The following FGF13 variants were observed in gnomAD, a reference collection of about 807,000 sequenced individuals.
The protein encoded by FGF13 is fibroblast growth factor homologous factor 2.
Under a neutral mutation model 19.5 loss-of-function variants are expected in FGF13, and 2 were observed. The observed-to-expected ratio is 0.10, with a 90% confidence interval of 0.04 to 0.32. The LOEUF (loss-of-function observed/expected upper bound fraction) is 0.32, where lower values mean the gene tolerates loss of function less well. Ranked by LOEUF, FGF13 falls within the 10% of genes least tolerant of loss-of-function variation. The pLI, the probability that FGF13 is intolerant of heterozygous loss-of-function variation, is 1.00. For missense variants in FGF13, 113 were observed against 192.7 expected (o/e 0.59, Z 2.45); for synonymous variants, 72 against 76.9 (o/e 0.94, Z 0.33).
chrX:138,944,940 G>C (rs993321788), intron 1 of FGF13, among the ~76,000 whole-genome samples: 4 of 110,506 alleles, frequency 3.6e-5, no homozygotes, highest in South Asian at 4.0e-4. Context: ...TATGTATTGA[G>C]TGTCCACTAT....
intron 1 of FGF13, among the ~76,000 whole-genome samples, chrX:139,093,737 C>A (rs765055577): frequency 2.7e-5 from 3 of 111,893 alleles, no homozygotes; most frequent in African/African-American, 9.7e-5. Flanking sequence ...TTGGGTAGCA[C>A]TCAGGACGCT....
At chrX:139,151,958 A>T (rs1327058660) in intron 1 of FGF13, among the ~76,000 whole-genome samples, 1 of 111,861 alleles carries the variant, frequency 8.9e-6, no homozygotes, top group Non-Finnish European at 1.9e-5. Flanking sequence ...TCATGGTATT[A>T]AAATGTCCTA....
At chrX:138,809,039 C>T (rs956550043) in intron 3 of FGF13, among the ~76,000 whole-genome samples, 1 of 111,888 alleles carries the variant, frequency 8.9e-6, no homozygotes, top group African/African-American at 3.3e-5. Context: ...GGTACCATTC[C>T]TTCTGACACT....
At chrX:139,004,552 C>T (rs954604175) in intron 1 of FGF13, among the ~76,000 whole-genome samples, 1 of 112,661 alleles carries the variant, frequency 8.9e-6, no homozygotes, top group Non-Finnish European at 1.9e-5. Context: ...CGAGAGCAAG[C>T]GAGGGCTCTG....
chrX:138,766,954 C>G (rs748707138), intron 3 of FGF13, among the ~76,000 whole-genome samples: 2 of 111,996 alleles, frequency 1.8e-5, no homozygotes, highest in African/African-American at 6.5e-5. Context: ...CTTTGTCAAC[C>G]TTGTCAACGA....
At chrX:139,151,545 G>A (rs765844154) in intron 1 of FGF13, among the ~76,000 whole-genome samples, 11 of 112,034 alleles carry the variant, frequency 9.8e-5, no homozygotes, top group African/African-American at 3.2e-4. Flanking sequence ...ATATCAAGCA[G>A]TAGTTAAATG....
chrX:138,973,835 G>A (rs1286247567), intron 1 of FGF13, among the ~76,000 whole-genome samples: 3 of 110,899 alleles, frequency 2.7e-5, no homozygotes, highest in East Asian at 2.8e-4. Context: ...TTTTCTATTT[G>A]CAAAAAATAT....
intron 3 of FGF13, among the ~76,000 whole-genome samples, chrX:138,702,466 T>G (rs984925491): frequency 2.7e-5 from 3 of 111,790 alleles, no homozygotes; most frequent in Non-Finnish European, 3.8e-5. Flanking sequence ...CAGGAATTTA[T>G]AGGTAAGGAA....
At chrX:138,758,157 T>C (rs951097692) in intron 3 of FGF13, among the ~76,000 whole-genome samples, 1 of 111,176 alleles carries the variant, frequency 9.0e-6, no homozygotes, top group Non-Finnish European at 1.9e-5. Flanking sequence ...TCCCTAAATG[T>C]CCCTACTACT....
chrX:138,758,066 T>C (rs1451839624), intron 3 of FGF13, among the ~76,000 whole-genome samples: 1 of 111,629 alleles, frequency 9.0e-6, no homozygotes, highest in African/African-American at 3.3e-5. Context: ...TAACTTTTAC[T>C]AGGCGGGAAT....
At chrX:139,063,712 G>A (rs1477088473) in intron 1 of FGF13, among the ~76,000 whole-genome samples, 1 of 111,453 alleles carries the variant, frequency 9.0e-6, no homozygotes, top group Non-Finnish European at 1.9e-5. Flanking sequence ...CAAATAATCT[G>A]GTCTATAGAA....
At chrX:139,025,549 C>A (rs764988743) in intron 1 of FGF13, among the ~76,000 whole-genome samples, 1 of 111,935 alleles carries the variant, frequency 8.9e-6, no homozygotes, top group East Asian at 2.9e-4. Flanking sequence ...TGCCCCACAT[C>A]TTTCTGTTCC....
chrX:139,123,672 C>G (rs1050854178), intron 1 of FGF13, among the ~76,000 whole-genome samples: 26 of 112,291 alleles, frequency 2.3e-4, no homozygotes, highest in African/African-American at 8.4e-4. Context: ...ATTAGAATGT[C>G]AGCTCCATGA....
intron 3 of FGF13, among the ~76,000 whole-genome samples, chrX:138,642,447 C>T (rs1156253875): frequency 9.0e-6 from 1 of 111,243 alleles, no homozygotes; most frequent in East Asian, 2.8e-4. Context: ...GCTGATCTTA[C>T]TGGTTGTTGT....
chrX:139,085,527 A>G (rs951475294), intron 1 of FGF13, among the ~76,000 whole-genome samples: 1 of 112,300 alleles, frequency 8.9e-6, no homozygotes, highest in Non-Finnish European at 1.9e-5. Context: ...AGAGCCACCC[A>G]AAGTGTGTTT....
In FGF13 at chrX:138,974,893, T is replaced by A. The variant is rs191118953; in HGVS notation, c.-112-110243A>T. Among the ~76,000 whole-genome samples the A allele has an allele frequency of 4.4e-5, 5 of 112,439 alleles. No individual in the cohort carries two copies. In the East Asian group the frequency reaches 1.4e-3, roughly 32 times the overall value. ...TTCATGAAACTCATATCTAGTGCAA[T>A]CAAGTGCTGTAATTACAGGCACCCT... On this transcript the variant is annotated intron_variant, in intron 1 of 2. Coordinates refer to the FGF13 transcript ENST00000421460.
At position 138,726,501 on chromosome X, in the gene FGF13, G is replaced by A. The variant is rs912170365; in HGVS notation, c.28+12741C>T. 3.6e-5 allele frequency among the ~76,000 whole-genome samples: 4 copies of A among 112,434 alleles called. No homozygotes were observed. In the South Asian group the frequency reaches 1.1e-3, roughly 31 times the overall value. ...TTGTAAAGAGTTTAGCATGTGCTTC[G>A]CATGTAGTACAGACTCAATAAATTG... On this transcript the variant is annotated intron_variant, in intron 1 of 4. Coordinates refer to the FGF13 transcript ENST00000305414.
intron 1 of FGF13, among the ~76,000 whole-genome samples, chrX:139,094,057 A>G (rs188972769): frequency 2.7e-4 from 30 of 111,909 alleles, no homozygotes; most frequent in Non-Finnish European, 3.6e-4. Flanking sequence ...GAATGAAGAA[A>G]AGACTAGCAA....
chrX:139,028,634 A>T (rs200164234), intron 1 of FGF13, among the ~76,000 whole-genome samples: 92 of 41,350 alleles, frequency 2.2e-3, no homozygotes, highest in South Asian at 3.9e-3. Context: ...AGAGAGAGAG[A>T]GTGTGTGTGT....
Sources: gnomAD v4.1 joint callset for allele counts (sites outside exome capture counted in the v4.1 genomes callset) on GRCh38, gnomAD v4.1.1 for gene constraint, MANE v1.5 for transcripts, NCBI Gene and HGNC (gene_info 2026-07-23, HGNC 2026-07-21) for gene names.